RPSA2: variants seen among roughly 807,000 people sequenced by gnomAD.
RPSA2 encodes the protein small ribosomal subunit protein uS2B.
At chr19:23,789,019 C>CTTTTTTTTTTTTTTTTTTTTTTTTTT in the RPSA2 span, among the ~76,000 whole-genome samples, 9 of 112,598 alleles carry the variant, frequency 8.0e-5, no homozygotes, top group African/African-American at 1.7e-4. Context: ...TTTTTTCTTT[C>CTTTTTTTTTTTTTTTTTTTTTTTTTT]TTTCTTTTTT....
chr19:23,848,560 A>G, the RPSA2 span, among the ~76,000 whole-genome samples: 1 of 152,284 alleles, frequency 6.6e-6, no homozygotes, highest in South Asian at 2.1e-4. Context: ...TTGTTTCTTT[A>G]ATTTAGTTAT....
the RPSA2 span, among the ~76,000 whole-genome samples, chr19:23,846,636 T>C: frequency 2.0e-5 from 3 of 152,224 alleles, no homozygotes; most frequent in African/African-American, 7.2e-5. Flanking sequence ...TCTAGCTTGA[T>C]GTAAAATTTT....
At chr19:23,766,677 A>G in the RPSA2 span, among the ~76,000 whole-genome samples, 4 of 150,292 alleles carry the variant, frequency 2.7e-5, no homozygotes, top group Admixed American at 1.3e-4. Flanking sequence ...GATGGTCTTG[A>G]TCTCCTGACC....
chr19:23,834,213 TA>T, the RPSA2 span, among the ~76,000 whole-genome samples: 7 of 152,062 alleles, frequency 4.6e-5, no homozygotes, highest in African/African-American at 1.4e-4. Flanking sequence ...AGAAGTAGAA[TA>T]TTTTTTGGAG....
chr19:23,773,640 C>G, the RPSA2 span, among the ~76,000 whole-genome samples: 1 of 152,106 alleles, frequency 6.6e-6, no homozygotes, highest in Non-Finnish European at 1.5e-5. Context: ...CATTTTCTCA[C>G]ATAAACATAG....
chr19:23,794,534 G>A, the RPSA2 span, among the ~76,000 whole-genome samples: 2 of 152,066 alleles, frequency 1.3e-5, no homozygotes. Context: ...TGTTAGTGAG[G>A]TCTTTTTTTT....
the RPSA2 span, among the ~76,000 whole-genome samples, chr19:23,811,825 G>A: frequency 4.2e-5 from 3 of 71,578 alleles, no homozygotes; most frequent in African/African-American, 1.5e-4. Flanking sequence ...GGTATTATTT[G>A]CTTCTATATT....
At chr19:23,803,009 G>T in the RPSA2 span, among the ~76,000 whole-genome samples, 1 of 151,594 alleles carries the variant, frequency 6.6e-6, no homozygotes, top group Non-Finnish European at 1.5e-5. Context: ...TAAGAGATTT[G>T]TTAAATTGCT....
At chr19:23,816,894 A>G in the RPSA2 span, among the ~76,000 whole-genome samples, 1 of 152,152 alleles carries the variant, frequency 6.6e-6, no homozygotes, top group Non-Finnish European at 1.5e-5. Context: ...CCATGATTCA[A>G]TTACCTTCCA....
the RPSA2 span, among the ~76,000 whole-genome samples, chr19:23,825,682 G>A: frequency 6.6e-6 from 1 of 152,056 alleles, no homozygotes; most frequent in Non-Finnish European, 1.5e-5. Flanking sequence ...TGCCTCCTGG[G>A]TTGAAATGAT....
the RPSA2 span, among the ~76,000 whole-genome samples, chr19:23,768,540 A>G: frequency 7.3e-6 from 1 of 137,010 alleles, no homozygotes; most frequent in Non-Finnish European, 1.6e-5. Context: ...AAATATTTAA[A>G]TGACATGTTT....
the RPSA2 span, among the ~76,000 whole-genome samples, chr19:23,795,431 C>A: frequency 6.6e-6 from 1 of 151,954 alleles, no homozygotes; most frequent in East Asian, 1.9e-4. Context: ...GTTCTTTTTG[C>A]AGCAATTGTT....
the RPSA2 span, among the ~76,000 whole-genome samples, chr19:23,848,921 C>A: frequency 6.6e-6 from 1 of 152,302 alleles, no homozygotes; most frequent in East Asian, 1.9e-4. Context: ...CCCATGATCA[C>A]AGCAACTAAA....
At chr19:23,820,026 C>T in the RPSA2 span, among the ~76,000 whole-genome samples, 1 of 152,188 alleles carries the variant, frequency 6.6e-6, no homozygotes, top group Non-Finnish European at 1.5e-5. Flanking sequence ...CTCGTGCTTT[C>T]TCAGTCCTGA....
chr19:23,821,143 G>A, the RPSA2 span, among the ~76,000 whole-genome samples: 1 of 152,220 alleles, frequency 6.6e-6, no homozygotes, highest in African/African-American at 2.4e-5. Context: ...AACCAATGGT[G>A]CCCTCTCTGA....
At chr19:23,837,990 G>A in the RPSA2 span, among the ~76,000 whole-genome samples, 843 of 152,246 alleles carry the variant, frequency 5.5e-3, 8 homozygotes, top group African/African-American at 0.02. Flanking sequence ...TTGAAGAGGA[G>A]TGGTGAGAGT....
chr19:23,766,147 T>C, the RPSA2 span, among the ~76,000 whole-genome samples: 6 of 94,972 alleles, frequency 6.3e-5, no homozygotes, highest in Non-Finnish European at 8.9e-5. Context: ...CATTTCCTTT[T>C]TTTTTTTTTT....
chr19:23,806,256 G>T, the RPSA2 span, among the ~76,000 whole-genome samples: 1 of 151,560 alleles, frequency 6.6e-6, no homozygotes, highest in African/African-American at 2.4e-5. Flanking sequence ...TGTTGGTCAG[G>T]CTGGTCTCAA....
At chr19:23,776,374 G>C in the RPSA2 span, among the ~76,000 whole-genome samples, 1 of 152,142 alleles carries the variant, frequency 6.6e-6, no homozygotes, top group Non-Finnish European at 1.5e-5. Context: ...GCACCCAGGG[G>C]ATGGGAGTTT....
Sources: gnomAD v4.1 joint callset for allele counts (sites outside exome capture counted in the v4.1 genomes callset) on GRCh38, gnomAD v4.1.1 for gene constraint, MANE v1.5 for transcripts, NCBI Gene and HGNC (gene_info 2026-07-23, HGNC 2026-07-21) for gene names.